VCL: variants seen among roughly 807,000 people sequenced by gnomAD.
The protein encoded by VCL is epididymis luminal protein 114.
A neutral mutation model predicts 125.7 loss-of-function variants in VCL; 47 were observed. The observed-to-expected ratio is 0.37, with a 90% CI of 0.30 to 0.48. The LOEUF (loss-of-function observed/expected upper bound fraction) is 0.48, where lower values mean the gene tolerates loss of function less well. VCL is among the 20% of genes least tolerant of loss of function. The pLI, the probability that VCL is intolerant of heterozygous loss-of-function variation, is 0.99. For missense variants in VCL, 1,069 were observed against 1,455.5 expected, an observed-to-expected ratio of 0.73 and a Z score of 4.32; for synonymous variants, 458 against 514.6, an observed-to-expected ratio of 0.89 and a Z score of 1.49.
intron 2 of VCL, among the ~76,000 whole-genome samples, chr10:74,067,357 CCTG>C (rs1841586450): frequency 6.6e-6 from 1 of 151,416 alleles, no homozygotes; most frequent in Admixed American, 6.6e-5. Flanking sequence ...CCACTTCACA[CCTG>C]CTAGGGTGGC....
chr10:74,097,444 AG>A lies in VCL; in HGVS notation c.1872+115del. 6.7e-7 allele frequency: 1 copy of A among 1,499,988 alleles called. No individual in the cohort carries two copies. The highest frequency in any genetic ancestry group is 1.1e-5 in the South Asian group (1 of 88,402). The allele number at this position is 1,499,988 out of a possible 1,614,324, so 92.9% of individuals were successfully genotyped here. A position where few individuals can be genotyped will look rare whatever the true frequency, so the allele number is the denominator to read the frequency against. Reference sequence around the variant, plus strand: ...TCAGTGGTTGGGAAACTGTAGATGAAGGGTGGAAGAGCAGAACAGGGAAAGC... The same window carrying A: ...TCAGTGGTTGGGAAACTGTAGATGAAGGTGGAAGAGCAGAACAGGGAAAGC... On this transcript the variant is annotated intron_variant, in intron 13 of 21. Coordinates refer to ENST00000211998, the MANE Select transcript of VCL (RefSeq NM_014000.3). This position sits in a 1 kb window ranked among gnomAD's most constrained non-coding sequence, Gnocchi z 4.1.
chr10:74,055,925 G>A (rs993699254), intron 2 of VCL, among the ~76,000 whole-genome samples: 3 of 152,112 alleles, frequency 2.0e-5, no homozygotes, highest in Non-Finnish European at 4.4e-5. Context: ...GGTTATTCAG[G>A]TTTTAAAGGA....
At chr10:73,999,896 T>A (rs890854672) in intron 1 of VCL, among the ~76,000 whole-genome samples, 1 of 152,230 alleles carries the variant, frequency 6.6e-6, no homozygotes, top group African/African-American at 2.4e-5. Flanking sequence ...TACATTCTTA[T>A]GTAGTGTTGT....
intron 8 of VCL, 92 bp from the exon 9 acceptor site, chr10:74,089,103 GT>G: frequency 6.4e-7 from 1 of 1,567,550 alleles, no homozygotes; most frequent in Non-Finnish European, 8.7e-7. Context: ...AGCCAAGCAT[GT>G]TCATGAAAAC....
At chr10:74,095,508 T>G in intron 11 of VCL, 148 bp from the exon 12 acceptor site, 1 of 913,106 alleles carries the variant, frequency 1.1e-6, no homozygotes, top group African/African-American at 1.6e-5. Context: ...AGGGATTGCT[T>G]GAGCCGGCAG....
chr10:74,046,803 G>T (rs919307786), intron 2 of VCL, among the ~76,000 whole-genome samples: 1 of 152,126 alleles, frequency 6.6e-6, no homozygotes, highest in Non-Finnish European at 1.5e-5. Flanking sequence ...AGTGGATTTT[G>T]TCAGGAAACT....
chr10:74,009,449 T>C (rs989621096), intron 1 of VCL, among the ~76,000 whole-genome samples: 7 of 150,596 alleles, frequency 4.6e-5, no homozygotes, highest in Admixed American at 2.0e-4. Flanking sequence ...TTAGTAGAGA[T>C]GGAGTTTCAC....
chr10:74,036,008 A>G (rs952620544), intron 1 of VCL, among the ~76,000 whole-genome samples: 6 of 152,212 alleles, frequency 3.9e-5, no homozygotes, highest in African/African-American at 1.4e-4. Context: ...ATGCTGTTTT[A>G]TATAAGAGAC....
chr10:74,033,637 G>A (rs1307865792), intron 1 of VCL, among the ~76,000 whole-genome samples: 1 of 152,168 alleles, frequency 6.6e-6, no homozygotes, highest in African/African-American at 2.4e-5. Context: ...TGTTGGTGGT[G>A]TTGGGTCGTG....
At chr10:74,020,739 G>A (rs1386556072) in intron 1 of VCL, among the ~76,000 whole-genome samples, 1 of 151,044 alleles carries the variant, frequency 6.6e-6, no homozygotes. Flanking sequence ...TACTCAGGAG[G>A]CTGAGGCAGA....
Position 74,097,438 on chromosome 10 carries a change from A to G in VCL, c.1872+106A>G. ...TCAGGATCAGTGGTTGGGAAACTGT[A>G]GATGAAGGGTGGAAGAGCAGAACAG... is the stretch of plus-strand genomic sequence containing the variant. On this transcript the variant is annotated intron_variant, in intron 13 of 21. Transcript: ENST00000211998. The surrounding 1 kb of genome is among the most constrained non-coding windows in gnomAD (Gnocchi z 4.1). 4 of 1,536,252 alleles carry G rather than the reference A, an allele frequency of 2.6e-6. No individual in the cohort carries two copies. The highest frequency in any genetic ancestry group is 1.7e-4 in the Middle Eastern group (1 of 5,800).
At chr10:74,009,886 G>C (rs1840399150) in intron 1 of VCL, among the ~76,000 whole-genome samples, 1 of 151,886 alleles carries the variant, frequency 6.6e-6, no homozygotes, top group Non-Finnish European at 1.5e-5. Flanking sequence ...GGGATTACAG[G>C]CATGAACCAC....
intron 2 of VCL, among the ~76,000 whole-genome samples, chr10:74,066,061 A>ATATATTTTT (rs1441211975): frequency 2.2e-5 from 3 of 137,468 alleles, no homozygotes; most frequent in African/African-American, 7.9e-5. Context: ...ATATATATAT[A>ATATATTTTT]TTTTTTTTTT....
intron 18 of VCL, among the ~76,000 whole-genome samples, chr10:74,110,489 G>A (rs1453634717): frequency 6.6e-6 from 1 of 152,180 alleles, no homozygotes; most frequent in Non-Finnish European, 1.5e-5. Flanking sequence ...CTGGGCTGGG[G>A]AGGAATATCT....
intron 2 of VCL, among the ~76,000 whole-genome samples, chr10:74,057,259 T>TA (rs1375046946): frequency 1.3e-5 from 2 of 151,532 alleles, no homozygotes; most frequent in South Asian, 2.1e-4. Flanking sequence ...TTTTATTATT[T>TA]AAAAAAAAAT....
intron 1 of VCL, among the ~76,000 whole-genome samples, chr10:74,027,403 G>A (rs1224757409): frequency 2.0e-5 from 3 of 150,876 alleles, no homozygotes; most frequent in Non-Finnish European, 4.4e-5. Context: ...TGTCATGCCT[G>A]TAATCCCAGC....
At position 74,119,689 on chromosome 10, in the gene VCL, C is replaced by T. The variant is rs906565477; in HGVS notation, c.*1520C>T. ...TCCCACCCATCGCTGTGTGTTAGTTCCCAACATCGAATGTGTACAACTTAA... is the reference window on the plus strand; with the variant it reads ...TCCCACCCATCGCTGTGTGTTAGTTTCCAACATCGAATGTGTACAACTTAA... On this transcript the variant is annotated 3_prime_UTR_variant, in exon 22 of 22. Coordinates refer to ENST00000211998, the MANE Select transcript of VCL (RefSeq NM_014000.3). 3 of 152,462 alleles carry T rather than the reference C, an allele frequency of 2.0e-5. No homozygotes were observed. The highest frequency in any genetic ancestry group is 7.2e-5 in the African/African-American group (3 of 41,434). 9.4% of individuals were successfully genotyped at this position (152,462 alleles called of 1,614,324 possible).
chr10:74,087,475 A>G (rs911138243), intron 8 of VCL, among the ~76,000 whole-genome samples: 4 of 146,372 alleles, frequency 2.7e-5, no homozygotes, highest in Non-Finnish European at 6.0e-5. Context: ...CCTACCGAGT[A>G]GCTGGGACTA....
At chr10:73,999,954 A>G (rs984918085) in intron 1 of VCL, among the ~76,000 whole-genome samples, 2 of 152,228 alleles carry the variant, frequency 1.3e-5, no homozygotes, top group African/African-American at 4.8e-5. Context: ...AATAGGAAAC[A>G]ATGTAAAGAG....
Sources: allele counts gnomAD v4.1 joint callset (sites outside exome capture counted in the v4.1 genomes callset), GRCh38; gene constraint gnomAD v4.1.1; non-coding constraint Gnocchi (gnomAD v3.1); transcripts MANE v1.5; gene names NCBI Gene and HGNC (gene_info 2026-07-23, HGNC 2026-07-21).